R3HDM2: variants seen among roughly 807,000 people sequenced by gnomAD.
The protein encoded by R3HDM2 is R3H domain-containing protein 2.
Under a neutral mutation model 124.5 loss-of-function variants are expected in R3HDM2, and 38 were observed. That is an observed-to-expected ratio of 0.31 (90% CI 0.24 to 0.40). The LOEUF is 0.40. Ranked by LOEUF, R3HDM2 falls within the 10% of genes least tolerant of loss-of-function variation. The pLI, the probability that R3HDM2 is intolerant of heterozygous loss-of-function variation, is 1.00. For synonymous variants in R3HDM2, 391 were observed against 448.0 expected, an observed-to-expected ratio of 0.87 and a Z score of 1.61; for missense variants, 869 against 1,236.9, an observed-to-expected ratio of 0.70 and a Z score of 4.46.
chr12:57,348,216 G>A (rs1031587925), intron 2 of R3HDM2, among the ~76,000 whole-genome samples: 1 of 152,142 alleles, frequency 6.6e-6, no homozygotes, highest in African/African-American at 2.4e-5. Context: ...TTGAGCCCAG[G>A]AGTTCAAGAT....
chr12:57,364,473 A>C (rs182196827), intron 2 of R3HDM2, among the ~76,000 whole-genome samples: 1 of 148,438 alleles, frequency 6.7e-6, no homozygotes, highest in East Asian at 1.9e-4. Context: ...TCTTAAAAAG[A>C]AAATTTATTT....
At chr12:57,370,670 T>C (rs1412861791) in intron 2 of R3HDM2, among the ~76,000 whole-genome samples, 1 of 152,026 alleles carries the variant, frequency 6.6e-6, no homozygotes, top group Non-Finnish European at 1.5e-5. Context: ...ATAAACCTCT[T>C]TCTTTGATAA....
chr12:57,356,996 G>A (rs1329243473), intron 2 of R3HDM2, among the ~76,000 whole-genome samples: 1 of 151,914 alleles, frequency 6.6e-6, no homozygotes, highest in Non-Finnish European at 1.5e-5. Context: ...CCAGCTACTC[G>A]GGAGGCTGAG....
chr12:57,312,927 T>G (rs1202845931), intron 2 of R3HDM2, among the ~76,000 whole-genome samples: 1 of 53,026 alleles, frequency 1.9e-5, no homozygotes, highest in Non-Finnish European at 3.2e-5. Context: ...AGACTCTGGC[T>G]CAAAAAAAAA....
At chr12:57,394,305 AAAAAG>A (rs2067165278) in intron 2 of R3HDM2, among the ~76,000 whole-genome samples, 1 of 151,932 alleles carries the variant, frequency 6.6e-6, no homozygotes, top group Admixed American at 6.6e-5. Flanking sequence ...TCAAAAAAAA[AAAAAG>A]AAAAGAAATG....
chr12:57,296,397 G>A lies in R3HDM2; in HGVS notation c.701+14C>T, dbSNP rs1229620143. On this transcript the variant is annotated intron_variant, in intron 9 of 23. Coordinates refer to ENST00000402412, the MANE Select transcript of R3HDM2 (RefSeq NM_001394031.1). The surrounding 1 kb of genome is among the most constrained non-coding windows in gnomAD (Gnocchi z 4.5). ...CCCAGGGAAGTCTTCCCAAACCATG[G>A]TTTCCTCCCTTACATTCTTGTGTTA... 6.4e-7 allele frequency: 1 copy of A among 1,551,936 alleles called. No individual in the cohort carries two copies.
intron 12 of R3HDM2, among the ~76,000 whole-genome samples, chr12:57,286,359 AG>A (rs1197840981): frequency 6.6e-6 from 1 of 152,128 alleles, no homozygotes; most frequent in African/African-American, 2.4e-5. Flanking sequence ...GAGCTGCCAT[AG>A]TTATTGTCAA....
At chr12:57,384,676 A>C (rs2065440669) in intron 2 of R3HDM2, among the ~76,000 whole-genome samples, 1 of 152,240 alleles carries the variant, frequency 6.6e-6, no homozygotes, top group Non-Finnish European at 1.5e-5. Flanking sequence ...AGGTTAGTAG[A>C]AACAGGATTA....
chr12:57,328,123 G>A (rs1027843489), intron 2 of R3HDM2, among the ~76,000 whole-genome samples: 2 of 150,832 alleles, frequency 1.3e-5, no homozygotes, highest in Non-Finnish European at 2.9e-5. Flanking sequence ...CCAGGCTGGA[G>A]TGCAGTGGCG....
rs749703648 is a variant in R3HDM2 at position 57,383,100 on chromosome 12, C to T, written c.-36+12649G>A. Among the ~76,000 whole-genome samples the T allele has an allele frequency of 4.8e-4, 73 of 151,948 alleles. 1 individual carries two copies. Among genetic ancestry groups the T allele is most frequent in the South Asian group, 1.7e-3 (8 of 4,820 alleles). ...GAACTCCTGACCTCAGGTGATCCACCGGCCTTGGCCTCCCAAAGTTCTGGG... is the reference window on the plus strand; with the variant it reads ...GAACTCCTGACCTCAGGTGATCCACTGGCCTTGGCCTCCCAAAGTTCTGGG... On this transcript the variant is annotated intron_variant, in intron 2 of 23. Transcript: ENST00000402412.
chr12:57,314,515 A>C (rs779934223), intron 2 of R3HDM2, among the ~76,000 whole-genome samples: 26 of 152,164 alleles, frequency 1.7e-4, no homozygotes, highest in Non-Finnish European at 2.4e-4. Context: ...AATAATAGTC[A>C]AAACTGGAAG....
chr12:57,359,798 C>T (rs1233056355), intron 2 of R3HDM2, among the ~76,000 whole-genome samples: 1 of 151,672 alleles, frequency 6.6e-6, no homozygotes, highest in African/African-American at 2.4e-5. Context: ...TCAATTTTAT[C>T]TCCTTTATTG....
Position 57,276,073 on chromosome 12 carries a change from T to C in R3HDM2, c.1344+4285A>G, listed in dbSNP as rs958573538. ...TCTACTAAAAATACAAAAAATTAGC[T>C]GGGCGTGGTGGCGGTTGCCTGTAGT... On this transcript the variant is annotated intron_variant, in intron 14 of 23. Coordinates refer to ENST00000402412, the MANE Select transcript of R3HDM2 (RefSeq NM_001394031.1). 6.6e-5 allele frequency among the ~76,000 whole-genome samples: 10 copies of C among 151,842 alleles called. No homozygotes were observed. In the East Asian group the frequency reaches 7.7e-4, roughly 12 times the overall value.
chr12:57,331,017 A>T (rs1021660730), intron 2 of R3HDM2, among the ~76,000 whole-genome samples: 1 of 152,066 alleles, frequency 6.6e-6, no homozygotes, highest in Non-Finnish European at 1.5e-5. Context: ...AGGGTTTTCT[A>T]TATCTAAGAT....
chr12:57,298,189 G>C (rs1286649188), intron 6 of R3HDM2, 21 bp from the exon 7 acceptor site: 3 of 1,504,512 alleles, frequency 2.0e-6, no homozygotes, highest in East Asian at 5.0e-5. Context: ...CACAACAAAA[G>C]AAATTAAAAT....
intron 3 of R3HDM2, among the ~76,000 whole-genome samples, chr12:57,308,310 C>T (rs1322985756): frequency 6.6e-6 from 1 of 151,360 alleles, no homozygotes; most frequent in African/African-American, 2.4e-5. Flanking sequence ...CTCACCTTGG[C>T]CTCCCAAAGT....
intron 2 of R3HDM2, among the ~76,000 whole-genome samples, chr12:57,315,727 A>G (rs1311940060): frequency 6.6e-6 from 1 of 152,242 alleles, no homozygotes; most frequent in East Asian, 1.9e-4. Context: ...TTACGGAGAC[A>G]CATGGCTTCC....
At chr12:57,345,500 TACACACACACACACACACACACACACAC>T (rs55903347) in intron 2 of R3HDM2, among the ~76,000 whole-genome samples, 2 of 147,636 alleles carry the variant, frequency 1.4e-5, no homozygotes, top group African/African-American at 5.0e-5. Flanking sequence ...ATTTCTTTTA[TACACACACACACACACACACACACACAC>T]ACACACACAC....
chr12:57,425,301 G>T (rs1250462953), intron 1 of R3HDM2, among the ~76,000 whole-genome samples: 1 of 151,882 alleles, frequency 6.6e-6, no homozygotes, highest in East Asian at 1.9e-4. Flanking sequence ...TTCACAAAAT[G>T]AGAACTACTA....
Sources: gnomAD v4.1 joint callset for allele counts (sites outside exome capture counted in the v4.1 genomes callset) on GRCh38, gnomAD v4.1.1 for gene constraint, Gnocchi (gnomAD v3.1) non-coding constraint, MANE v1.5 for transcripts, NCBI Gene and HGNC (gene_info 2026-07-23, HGNC 2026-07-21) for gene names.